Variants in CCDC88A observed in about 807,000 individuals in gnomAD.
CCDC88A encodes girdin.
CCDC88A carries 54 observed loss-of-function variants against 234.3 expected under a neutral mutation model. That is an observed-to-expected ratio of 0.23 (90% CI 0.19 to 0.29). CCDC88A has a LOEUF of 0.29. CCDC88A is among the 10% of genes least tolerant of loss of function. The probability of loss-of-function intolerance (pLI) is 1.00; values close to 1 mark genes in which losing one functional copy is unlikely to be tolerated. For synonymous variants in CCDC88A, 753 were observed against 737.8 expected (o/e 1.02, Z -0.33); for missense variants, 1,832 against 2,123.4 (o/e 0.86, Z 2.70).
chr2:55,322,806 TAA>T, intron 17 of CCDC88A, 114 bp from the exon 18 acceptor site: 1 of 489,622 alleles, frequency 2.0e-6, no homozygotes, highest in Non-Finnish European at 3.6e-6. Context: ...AATTTACTTT[TAA>T]ATGTGATGAA....
At position 55,333,930 on chromosome 2, in the gene CCDC88A, A is replaced by G. The variant is rs572481655; in HGVS notation, c.2727+164T>C. ...ACAATTTATAGGTATTTCTTAGTTTAACAAAGTAGGAAACTTGGAAGCTAT... is the reference window on the plus strand; with the variant it reads ...ACAATTTATAGGTATTTCTTAGTTTGACAAAGTAGGAAACTTGGAAGCTAT... On this transcript the variant is annotated intron_variant, in intron 15 of 32. Transcript: ENST00000436346. 2.6e-5 allele frequency among the ~76,000 whole-genome samples: 4 copies of G among 152,200 alleles called. No individual in the cohort carries two copies. The East Asian group carries it at 7.7e-4, about 29-fold the overall frequency.
intron 31 of CCDC88A, chr2:55,294,585 T>C (rs1679802292): frequency 2.0e-6 from 2 of 984,750 alleles, no homozygotes; most frequent in South Asian, 4.7e-5. Flanking sequence ...ACTGTACATA[T>C]GTAATATAAA....
chr2:55,296,601 CTG>C lies in CCDC88A; in HGVS notation c.4826-80_4826-79del, dbSNP rs1680057207. 2.9e-6 allele frequency: 4 copies of C among 1,398,328 alleles called. No homozygotes were observed. The South Asian group carries it at 4.0e-5, about 14-fold the overall frequency. 86.6% of individuals were successfully genotyped at this position (1,398,328 alleles called of 1,614,324 possible). On this transcript the variant is annotated intron_variant, in intron 29 of 32. Transcript: ENST00000436346. ...CTTCATGAGTAATAACATTTGTTGA[CTG>C]TGTGCTAATTATATGAACAGCCAAA...
At position 55,287,863 on chromosome 2, in the gene CCDC88A, G is replaced by C. The variant is rs938957024; in HGVS notation, c.*3337C>G. 6.6e-6 allele frequency: 1 copy of C among 152,076 alleles called. No homozygotes were observed. Among genetic ancestry groups the C allele is most frequent in the East Asian group, 1.9e-4 (1 of 5,192 alleles). The allele number at this position is 152,076 out of a possible 1,614,324, so 9.4% of individuals were successfully genotyped here. Reference sequence around the variant, plus strand: ...CCAGTTGTTACAAAAATCACCTCTTGGTTTTATTTCTTTTTATATTAGTTT... The same window carrying C: ...CCAGTTGTTACAAAAATCACCTCTTCGTTTTATTTCTTTTTATATTAGTTT... On this transcript the variant is annotated 3_prime_UTR_variant, in exon 33 of 33. Transcript: ENST00000436346.
Position 55,419,368 on chromosome 2 carries a change from A to G in CCDC88A, c.-289T>C, listed in dbSNP as rs1210124214. 1 of 400,712 alleles carries G rather than the reference A, an allele frequency of 2.5e-6. No homozygotes were observed. Among genetic ancestry groups the G allele is most frequent in the Admixed American group, 4.2e-5 (1 of 23,918 alleles). The allele number at this position is 400,712 out of a possible 1,614,324, so 24.8% of individuals were successfully genotyped here. On this transcript the variant is annotated 5_prime_UTR_variant, in exon 1 of 33. Transcript: ENST00000436346. ...AGAAAAGGCATCTGGAGGAGGAGGA[A>G]GGGAAAGGGGGCTGGAACCCAAGAC...
At chr2:55,337,477 T>TA (rs1464212521) in intron 13 of CCDC88A, 1 of 152,158 alleles carries the variant, frequency 6.6e-6, no homozygotes, top group Non-Finnish European at 1.5e-5. Context: ...CCAGGCAATT[T>TA]AAAAAATCAA....
intron 2 of CCDC88A, among the ~76,000 whole-genome samples, chr2:55,412,131 AC>A (rs1680602867): frequency 6.6e-6 from 1 of 152,204 alleles, no homozygotes; most frequent in Admixed American, 6.5e-5. Flanking sequence ...ACAACTTACG[AC>A]ATGCCAACTT....
At chr2:55,393,269 T>A (rs1373379381) in intron 2 of CCDC88A, among the ~76,000 whole-genome samples, 3 of 149,452 alleles carry the variant, frequency 2.0e-5, no homozygotes, top group African/African-American at 4.9e-5. Context: ...GAATATAGAG[T>A]TTTGATTTTG....
At chr2:55,408,442 T>C (rs1679955625) in intron 2 of CCDC88A, among the ~76,000 whole-genome samples, 1 of 152,096 alleles carries the variant, frequency 6.6e-6, no homozygotes, top group South Asian at 2.1e-4. Flanking sequence ...TGGCACAAGA[T>C]ACAGGTCATA....
chr2:55,369,783 T>C (rs1022189573), intron 5 of CCDC88A, among the ~76,000 whole-genome samples: 11 of 152,136 alleles, frequency 7.2e-5, no homozygotes, highest in Non-Finnish European at 1.5e-4. Context: ...ATTTCAAATA[T>C]TACCTTGTCA....
intron 2 of CCDC88A, among the ~76,000 whole-genome samples, chr2:55,396,520 T>A (rs542211992): frequency 1.3e-5 from 2 of 152,224 alleles, no homozygotes; most frequent in Admixed American, 1.3e-4. Flanking sequence ...TCTTTTACTC[T>A]TTTAGTTTTT....
chr2:55,325,665 T>TG (rs1389629512), intron 17 of CCDC88A, among the ~76,000 whole-genome samples: 1 of 152,224 alleles, frequency 6.6e-6, no homozygotes, highest in Non-Finnish European at 1.5e-5. Flanking sequence ...ATCTGGTAGA[T>TG]GAAGTTCTTT....
In CCDC88A at chr2:55,335,213, C is replaced by A; in HGVS notation, c.1657-49G>T. 8.2e-7 allele frequency: 1 copy of A among 1,212,568 alleles called. No individual in the cohort carries two copies. Among genetic ancestry groups the A allele is most frequent in the South Asian group, 2.0e-5 (1 of 50,124 alleles). 75.1% of individuals were successfully genotyped at this position (1,212,568 alleles called of 1,614,324 possible). A position where few individuals can be genotyped will look rare whatever the true frequency, so the allele number is the denominator to read the frequency against. ...AAAGCTGTAATTGAGGAAAAACTAA[C>A]TATGGTTTATCTCTTCCAAAAACTA... is the stretch of plus-strand genomic sequence containing the variant. On this transcript the variant is annotated intron_variant, in intron 14 of 32. Coordinates refer to ENST00000436346, the MANE Select transcript of CCDC88A (RefSeq NM_001365480.1). The surrounding 1 kb of genome is among the most constrained non-coding windows in gnomAD (Gnocchi z 4.5).
rs984684711 is a variant in CCDC88A at position 55,312,296 on chromosome 2, T to C, written c.4079+138A>G. On this transcript the variant is annotated intron_variant, in intron 23 of 32. Coordinates refer to ENST00000436346, the MANE Select transcript of CCDC88A (RefSeq NM_001365480.1). ...ATGTTAGTATTTCTGATTATTAGAA[T>C]AGTGCCTGGAATATAAGCACTCAAA... is the stretch of plus-strand genomic sequence containing the variant. 3 of 653,636 alleles carry C rather than the reference T, an allele frequency of 4.6e-6. No homozygotes were observed. In the Admixed American group the frequency reaches 7.9e-5, roughly 17 times the overall value. The allele number at this position is 653,636 out of a possible 1,614,324, so 40.5% of individuals were successfully genotyped here. A position where few individuals can be genotyped will look rare whatever the true frequency, so the allele number is the denominator to read the frequency against.
Position 55,318,987 on chromosome 2 carries a change from T to C in CCDC88A, c.3180A>G (p.Ala1060=). ...EVERNNATLQ[A]EKQALKTQLK... The stretch of plus-strand genomic sequence containing the variant: ...GTTGAGTTTTCAACGCTTGCTTCTC[T>C]GCTTGCAGTGTAGCATTCTTGAAAA... The change falls in exon 19 of 33, where the codon GCA becomes GCG. Residue 1060 remains alanine (A), a synonymous_variant. Transcript: ENST00000436346. 1.2e-6 allele frequency: 2 copies of C among 1,613,082 alleles called. No individual in the cohort carries two copies. Among genetic ancestry groups the C allele is most frequent in the Non-Finnish European group, 1.7e-6 (2 of 1,179,398 alleles).
intron 31 of CCDC88A, chr2:55,294,902 T>C (rs1026486249): frequency 1.8e-6 from 2 of 1,129,746 alleles, no homozygotes; most frequent in African/African-American, 3.3e-5. Flanking sequence ...CACATTCACA[T>C]TAATATACAT....
In CCDC88A at chr2:55,299,927, A is replaced by C; in HGVS notation, c.4745-8T>G. On this transcript the variant is annotated splice_region_variant and splice_polypyrimidine_tract_variant and intron_variant, in intron 28 of 32. Coordinates refer to ENST00000436346, the MANE Select transcript of CCDC88A (RefSeq NM_001365480.1). ...GGCTGGCTGGTCTTGAAGCTAAATG[A>C]AAAAACCAGGAGACAGTGTGATAAA... 6.2e-7 allele frequency: 1 copy of C among 1,605,260 alleles called. No homozygotes were observed. Among genetic ancestry groups the C allele is most frequent in the African/African-American group, 1.3e-5 (1 of 74,872 alleles).
chr2:55,358,075 A>T (rs1053285201), intron 7 of CCDC88A, among the ~76,000 whole-genome samples: 1 of 152,158 alleles, frequency 6.6e-6, no homozygotes, highest in Non-Finnish European at 1.5e-5. Context: ...GTTCCTACTC[A>T]GCCTGGAATT....
chr2:55,360,804 T>C (rs1053842538), intron 7 of CCDC88A, among the ~76,000 whole-genome samples: 2 of 152,144 alleles, frequency 1.3e-5, no homozygotes, highest in African/African-American at 4.8e-5. Context: ...AACCAAAGCA[T>C]AGGTTGGGTG....
Sources: allele counts gnomAD v4.1 joint callset (sites outside exome capture counted in the v4.1 genomes callset), GRCh38; gene constraint gnomAD v4.1.1; non-coding constraint Gnocchi (gnomAD v3.1); transcripts MANE v1.5; gene names NCBI Gene and HGNC (gene_info 2026-07-23, HGNC 2026-07-21).